The following ZFHX3 variants were observed in gnomAD, a reference collection of about 807,000 sequenced individuals.
The protein encoded by ZFHX3 is zinc finger homeobox 3.
A neutral mutation model predicts 279.1 loss-of-function variants in ZFHX3; 42 were observed. The observed-to-expected ratio is 0.15, with a 90% CI of 0.12 to 0.19. The LOEUF is 0.19. ZFHX3 is among the 10% of genes least tolerant of loss of function. The probability of loss-of-function intolerance (pLI) is 1.00; values close to 1 mark genes in which losing one functional copy is unlikely to be tolerated. For missense variants in ZFHX3, 4,981 were observed against 4,754.0 expected (o/e 1.05, Z -1.40); for synonymous variants, 2,293 against 1,957.8 (o/e 1.17, Z -4.52).
At chr16:72,922,351 CT>C (rs1297878144) in intron 3 of ZFHX3, among the ~76,000 whole-genome samples, 2 of 152,188 alleles carry the variant, frequency 1.3e-5, no homozygotes, top group Non-Finnish European at 2.9e-5. Flanking sequence ...TGAGGCCCCC[CT>C]GTCCCAGACA....
chr16:73,681,325 G>A (rs754608878), intron 1 of ZFHX3, among the ~76,000 whole-genome samples: 10 of 152,154 alleles, frequency 6.6e-5, no homozygotes, highest in South Asian at 2.1e-4. Context: ...AAGAATGATC[G>A]TCCAAAGCGA....
At chr16:72,806,875 T>G (rs1266220156) in intron 7 of ZFHX3, 9 of 152,238 alleles carry the variant, frequency 5.9e-5, no homozygotes, top group African/African-American at 4.8e-5. Context: ...GTTCCTAAGC[T>G]GCCCAGGAGC....
At chr16:73,242,357 C>T (rs1277156225) in intron 5 of ZFHX3, among the ~76,000 whole-genome samples, 1 of 152,170 alleles carries the variant, frequency 6.6e-6, no homozygotes, top group Non-Finnish European at 1.5e-5. Flanking sequence ...CTGCCACCCC[C>T]ACACCCACCC....
At chr16:73,631,875 C>T (rs2052472316) in intron 2 of ZFHX3, among the ~76,000 whole-genome samples, 1 of 148,440 alleles carries the variant, frequency 6.7e-6, no homozygotes, top group Admixed American at 6.8e-5. Flanking sequence ...CCATTGCACT[C>T]CAGCCTGGGT....
chr16:72,854,425 A>G (rs2037697838), intron 4 of ZFHX3, among the ~76,000 whole-genome samples: 1 of 152,156 alleles, frequency 6.6e-6, no homozygotes, highest in Admixed American at 6.5e-5. Flanking sequence ...CTGCATTACT[A>G]AAGCCCTAAA....
intron 5 of ZFHX3, among the ~76,000 whole-genome samples, chr16:73,168,494 A>G (rs1244428279): frequency 1.3e-5 from 2 of 152,070 alleles, no homozygotes; most frequent in Non-Finnish European, 2.9e-5. Context: ...GGCCTCAAGC[A>G]GGTCTCCTAC....
At chr16:73,267,864 T>C (rs759581906) in intron 4 of ZFHX3, among the ~76,000 whole-genome samples, 7 of 152,224 alleles carry the variant, frequency 4.6e-5, no homozygotes, top group Non-Finnish European at 8.8e-5. Flanking sequence ...CAGAGTTTGA[T>C]GTTTAACTAA....
At chr16:72,956,993 C>G (rs1450212808) in intron 2 of ZFHX3, among the ~76,000 whole-genome samples, 2 of 152,186 alleles carry the variant, frequency 1.3e-5, no homozygotes, top group Admixed American at 6.5e-5. Flanking sequence ...ATTGTCTCTA[C>G]TTAAATCATT....
intron 2 of ZFHX3, among the ~76,000 whole-genome samples, chr16:73,592,560 G>A (rs1326769463): frequency 1.3e-5 from 2 of 151,984 alleles, no homozygotes; most frequent in Non-Finnish European, 2.9e-5. Context: ...GAAGCAAATG[G>A]CATGCTGGCT....
intron 5 of ZFHX3, among the ~76,000 whole-genome samples, chr16:73,147,353 G>A (rs1038952894): frequency 2.0e-5 from 3 of 152,096 alleles, no homozygotes; most frequent in Non-Finnish European, 2.9e-5. Context: ...CCTGAAGCCC[G>A]AGCAACGTAG....
At chr16:73,840,750 C>T (rs1047972669) in intron 1 of ZFHX3, among the ~76,000 whole-genome samples, 8 of 152,158 alleles carry the variant, frequency 5.3e-5, no homozygotes, top group Admixed American at 4.6e-4. Flanking sequence ...CTATAAGCTG[C>T]CTTGTATACC....
At chr16:73,376,840 C>T (rs1439122044) in intron 3 of ZFHX3, among the ~76,000 whole-genome samples, 1 of 152,182 alleles carries the variant, frequency 6.6e-6, no homozygotes, top group African/African-American at 2.4e-5. Flanking sequence ...CAGAGAGTTG[C>T]TCCATGATCT....
chr16:73,281,286 TA>T, intron 4 of ZFHX3, among the ~76,000 whole-genome samples: 1 of 152,280 alleles, frequency 6.6e-6, no homozygotes, highest in South Asian at 2.1e-4. Context: ...CACAATGGAA[TA>T]TTATTCAGCC....
intron 1 of ZFHX3, among the ~76,000 whole-genome samples, chr16:73,789,595 AT>A (rs1490784732): frequency 6.6e-6 from 1 of 152,162 alleles, no homozygotes; most frequent in Non-Finnish European, 1.5e-5. Context: ...TATTATTATT[AT>A]TTTTACCGCT....
intron 5 of ZFHX3, among the ~76,000 whole-genome samples, chr16:72,818,810 C>T (rs1367415360): frequency 2.0e-5 from 3 of 152,206 alleles, no homozygotes; most frequent in Non-Finnish European, 4.4e-5. Flanking sequence ...TCCCGTATAT[C>T]CCTAGAAAAC....
intron 1 of ZFHX3, among the ~76,000 whole-genome samples, chr16:73,862,448 C>T (rs569709835): frequency 3.9e-5 from 6 of 152,278 alleles, no homozygotes; most frequent in African/African-American, 1.4e-4. Flanking sequence ...GCTTGTAATT[C>T]CATCCTAATT....
chr16:72,910,083 G>A (rs1376360132), intron 3 of ZFHX3, among the ~76,000 whole-genome samples: 2 of 152,104 alleles, frequency 1.3e-5, no homozygotes, highest in African/African-American at 2.4e-5. Context: ...ACAGGGCACT[G>A]GTTCTCAGGT....
At chr16:73,224,083 A>T (rs1048438979) in intron 5 of ZFHX3, among the ~76,000 whole-genome samples, 2 of 152,232 alleles carry the variant, frequency 1.3e-5, no homozygotes, top group African/African-American at 4.8e-5. Context: ...AGTACTCTGT[A>T]TGGTACTATA....
At chr16:73,432,761 G>C (rs1452825321) in intron 3 of ZFHX3, among the ~76,000 whole-genome samples, 1 of 146,250 alleles carries the variant, frequency 6.8e-6, no homozygotes, top group Non-Finnish European at 1.5e-5. Context: ...GAGCATCTTA[G>C]AATCGCTCTG....
Sources: gnomAD v4.1 joint callset for allele counts (sites outside exome capture counted in the v4.1 genomes callset) on GRCh38, gnomAD v4.1.1 for gene constraint, MANE v1.5 for transcripts, NCBI Gene and HGNC (gene_info 2026-07-23, HGNC 2026-07-21) for gene names.